SPG11: variants seen among roughly 807,000 people sequenced by gnomAD.
The protein encoded by SPG11 is spatacsin.
Under a neutral mutation model 274.0 loss-of-function variants are expected in SPG11, and 222 were observed. The observed-to-expected ratio is 0.81, with a 90% CI of 0.73 to 0.91. SPG11 has a LOEUF of 0.91. Ranked by LOEUF, SPG11 falls within the 40% of genes least tolerant of loss-of-function variation. SPG11 has a pLI of 0.00. For synonymous variants in SPG11, 1,144 were observed against 1,039.7 expected (o/e 1.10, Z -1.93); for missense variants, 3,114 against 2,872.7 (o/e 1.08, Z -1.92).
chr15:44,650,892 T>C (rs1024094992), intron 6 of SPG11, among the ~76,000 whole-genome samples: 1 of 151,998 alleles, frequency 6.6e-6, no homozygotes, highest in African/African-American at 2.4e-5. Context: ...GGACTACAGG[T>C]GCCGGCCACC....
Position 44,622,347 on chromosome 15 carries a change from C to T in SPG11, c.2317G>A (p.Val773Ile), listed in dbSNP as rs766696581. Reference sequence around the variant, plus strand: ...TAATTTTTTTCTTTTAAAATTTCAACCTTGAATAAAAAGTAATTAAAGCAG... The same window carrying T: ...TAATTTTTTTCTTTTAAAATTTCAATCTTGAATAAAAAGTAATTAAAGCAG... ...TTNKNIRDFL[V>I]EILKEKNYFS... Residue 773 changes from valine (V) to isoleucine (I), a missense_variant and splice_region_variant, in exon 13 of 40, where the codon GTT becomes ATT. Transcript: ENST00000261866. 5 of 1,546,342 alleles carry T rather than the reference C, an allele frequency of 3.2e-6. No individual in the cohort carries two copies. Among genetic ancestry groups the T allele is most frequent in the Admixed American group, 1.8e-5 (1 of 56,056 alleles).
At chr15:44,591,956 A>C (rs1391748008) in intron 27 of SPG11, among the ~76,000 whole-genome samples, 1 of 152,058 alleles carries the variant, frequency 6.6e-6, no homozygotes, top group East Asian at 1.9e-4. Flanking sequence ...CTAAAAATAC[A>C]AAACGTTAGC....
intron 27 of SPG11, among the ~76,000 whole-genome samples, chr15:44,589,734 T>G (rs1402507579): frequency 2.0e-5 from 3 of 152,210 alleles, no homozygotes; most frequent in Admixed American, 2.0e-4. Flanking sequence ...TATTCCTACT[T>G]AGTGACTGTC....
At chr15:44,611,585 CAT>C (rs2083460680) in intron 17 of SPG11, among the ~76,000 whole-genome samples, 1 of 152,110 alleles carries the variant, frequency 6.6e-6, no homozygotes, top group African/African-American at 2.4e-5. Flanking sequence ...GAACCTTAAA[CAT>C]GTGTAACCTT....
At chr15:44,608,174 T>A (rs932405728) in intron 19 of SPG11, among the ~76,000 whole-genome samples, 9 of 152,198 alleles carry the variant, frequency 5.9e-5, no homozygotes, top group African/African-American at 2.2e-4. Flanking sequence ...GCAGCCTGGT[T>A]GTTAGTTTAA....
At chr15:44,617,971 C>CG (rs2141019492) in intron 15 of SPG11, among the ~76,000 whole-genome samples, 1 of 151,994 alleles carries the variant, frequency 6.6e-6, no homozygotes, top group Admixed American at 6.6e-5. Flanking sequence ...CCACCGTGCC[C>CG]GGCAGACCCT....
chr15:44,562,844 T>TA lies in SPG11; in HGVS notation c.*276dup. 7.7e-6 allele frequency: 3 copies of TA among 391,764 alleles called. No homozygotes were observed. The South Asian group carries it at 9.5e-5, about 12-fold the overall frequency. 24.3% of individuals were successfully genotyped at this position (391,764 alleles called of 1,614,324 possible). On this transcript the variant is annotated 3_prime_UTR_variant, in exon 40 of 40. Transcript: ENST00000261866. ...ATTCTTTAATCATTATTGGATCATCTAAAGTAGAAGCTGTCCTGAGGAAGA... is the reference window on the plus strand; with the variant it reads ...ATTCTTTAATCATTATTGGATCATCTAAAAGTAGAAGCTGTCCTGAGGAAGA...
intron 15 of SPG11, among the ~76,000 whole-genome samples, chr15:44,619,694 C>T (rs990968156): frequency 5.3e-5 from 8 of 151,650 alleles, no homozygotes; most frequent in Non-Finnish European, 4.4e-5. Flanking sequence ...AGCTTATTTA[C>T]TACCCACATG....
intron 10 of SPG11, 85 bp from the exon 11 acceptor site, chr15:44,626,592 C>T: frequency 2.9e-6 from 4 of 1,362,934 alleles, no homozygotes; most frequent in Admixed American, 2.0e-5. Flanking sequence ...ATTTATGTAA[C>T]ATCTAACAAA....
intron 36 of SPG11, among the ~76,000 whole-genome samples, chr15:44,566,657 A>C (rs1201099940): frequency 2.6e-5 from 4 of 152,032 alleles, no homozygotes; most frequent in African/African-American, 4.8e-5. Context: ...TCTCCATTCC[A>C]TCTGTCTGCC....
chr15:44,653,739 A>G (rs2084854473), intron 4 of SPG11, among the ~76,000 whole-genome samples: 1 of 152,218 alleles, frequency 6.6e-6, no homozygotes, highest in Non-Finnish European at 1.5e-5. Context: ...GAGATACAGT[A>G]GTTCCCTCTT....
chr15:44,614,051 A>C (rs2083530581), intron 16 of SPG11, among the ~76,000 whole-genome samples: 1 of 152,164 alleles, frequency 6.6e-6, no homozygotes, highest in Non-Finnish European at 1.5e-5. Flanking sequence ...CAAAGTAAAA[A>C]AGAAATAAAA....
intron 8 of SPG11, among the ~76,000 whole-genome samples, chr15:44,632,195 T>A (rs532599175): frequency 4.6e-5 from 7 of 152,152 alleles, no homozygotes; most frequent in Admixed American, 4.6e-4. Flanking sequence ...TTTGGGATTA[T>A]TGGCTCTCTC....
chr15:44,573,744 T>A lies in SPG11; in HGVS notation c.6008A>T (p.Glu2003Val), dbSNP rs769632005. The A allele has an allele frequency of 3.1e-6, 5 of 1,614,132 alleles. No individual in the cohort carries two copies. In the South Asian group the frequency reaches 5.5e-5, roughly 18 times the overall value. Residue 2003 changes from glutamate to valine, a missense_variant and splice_region_variant, in exon 32 of 40, where the codon GAG becomes GTG. Transcript: ENST00000261866. ...AACATCTGTGTAGGAACAGCCCAACTCCTGAGAGGAAGACAAAGCCAGTCA... is the reference window on the plus strand; with the variant it reads ...AACATCTGTGTAGGAACAGCCCAACACCTGAGAGGAAGACAAAGCCAGTCA... ...QVLCLYDLAK[E>V]LGCSYTDVAA...
At chr15:44,659,749 T>C (rs1209514872) in intron 2 of SPG11, among the ~76,000 whole-genome samples, 1 of 152,168 alleles carries the variant, frequency 6.6e-6, no homozygotes, top group African/African-American at 2.4e-5. Context: ...AATAGAAATA[T>C]AATGTGAGCC....
In SPG11 at chr15:44,633,431, A is replaced by T. The variant is rs2084140205; in HGVS notation, c.1735+74T>A. The T allele has an allele frequency of 6.1e-6, 8 of 1,315,032 alleles. No individual in the cohort carries two copies. In the South Asian group the frequency reaches 6.8e-5, roughly 11 times the overall value. 81.5% of individuals were successfully genotyped at this position (1,315,032 alleles called of 1,614,324 possible). ...GCAAGTAAATGAGTCATCAGAAAAC[A>T]CAACATCATACTTTGAAAGTTATTA... On this transcript the variant is annotated intron_variant, in intron 8 of 39. Transcript: ENST00000261866.
In SPG11 at chr15:44,613,454, G is replaced by A. The variant is rs771813705; in HGVS notation, c.3121C>T (p.Arg1041Ter). 3.7e-6 allele frequency: 6 copies of A among 1,613,504 alleles called. No individual in the cohort carries two copies. The highest frequency in any genetic ancestry group is 1.6e-4 in the Middle Eastern group (1 of 6,084). ...HPWFEFLVQC[R>*]QVASNLTDPK... ...CCTGTTAAGTTACTGGCAACTTGTC[G>A]ACACTGAACTAAAAATTCAAACCAA... Residue 1041 changes from arginine (R) to a stop codon, truncating the protein, a stop_gained, in exon 17 of 40, where the codon CGA becomes TGA. Coordinates refer to ENST00000261866, the MANE Select transcript of SPG11 (RefSeq NM_025137.4). LOFTEE classifies it high-confidence loss of function.
chr15:44,575,881 G>A (rs911114628), intron 30 of SPG11, among the ~76,000 whole-genome samples: 2 of 152,060 alleles, frequency 1.3e-5, no homozygotes, highest in Admixed American at 6.5e-5. Context: ...GGTGGCTCAC[G>A]CCTATAATCC....
chr15:44,626,866 C>CA (rs2083915762), intron 10 of SPG11, among the ~76,000 whole-genome samples: 1 of 151,564 alleles, frequency 6.6e-6, no homozygotes, highest in Non-Finnish European at 1.5e-5. Context: ...AACTGATGGG[C>CA]AAAAAATTTA....
Sources: gnomAD v4.1 joint callset for allele counts (sites outside exome capture counted in the v4.1 genomes callset) on GRCh38, gnomAD v4.1.1 for gene constraint, MANE v1.5 for transcripts, NCBI Gene and HGNC (gene_info 2026-07-23, HGNC 2026-07-21) for gene names.